The following DMBT1 variants were observed in gnomAD, a reference collection of about 807,000 sequenced individuals.
The protein encoded by DMBT1 is deleted in malignant brain tumors 1.
A neutral mutation model predicts 252.9 loss-of-function variants in DMBT1; 198 were observed. The ratio of observed to expected loss-of-function variants is 0.78; its 90% confidence interval spans 0.70 to 0.88. The LOEUF (loss-of-function observed/expected upper bound fraction) is 0.88. DMBT1 is among the 40% of genes least tolerant of loss of function. The pLI, the probability that DMBT1 is intolerant of heterozygous loss-of-function variation, is 0.00. For missense variants in DMBT1, 2,432 were observed against 2,404.7 expected (o/e 1.01, Z -0.24); for synonymous variants, 990 against 942.7 (o/e 1.05, Z -0.92).
At position 122,617,227 on chromosome 10, in the gene DMBT1, G is replaced by T. The variant is rs764862385; in HGVS notation, c.4859-1G>T. 6.2e-7 allele frequency: 1 copy of T among 1,609,576 alleles called. No individual in the cohort carries two copies. The highest frequency in any genetic ancestry group is 8.5e-7 in the Non-Finnish European group (1 of 1,178,772). On this transcript the variant is annotated splice_acceptor_variant, in intron 39 of 55. Coordinates refer to ENST00000338354, the MANE Select transcript of DMBT1 (RefSeq NM_001377530.1). LOFTEE classifies it high-confidence loss of function. ...TCTTTTTTCTTTGTTGCTATTTACA[G>T]ACACTTGGCCAACCTCTCGTGCATC...
In DMBT1 at chr10:122,573,772, A is replaced by G. The variant is rs756066037; in HGVS notation, c.283+10A>G. 1.1e-5 allele frequency: 18 copies of G among 1,613,358 alleles called. No individual in the cohort carries two copies. The highest frequency in any genetic ancestry group is 1.7e-5 in the Admixed American group (1 of 60,020). ...TCAACTGTAGCAGAAGGTAACGTCT[A>G]CTATGGGGGATCCCTGTAGGCTCAT... On this transcript the variant is annotated intron_variant, in intron 6 of 55. Transcript: ENST00000338354.
chr10:122,635,098 G>A (rs1212632835), intron 52 of DMBT1, among the ~76,000 whole-genome samples: 2 of 152,182 alleles, frequency 1.3e-5, no homozygotes, highest in African/African-American at 4.8e-5. Context: ...ACCATGACTG[G>A]TTCTTTAACC....
At chr10:122,619,429 C>A in intron 42 of DMBT1, 92 bp downstream of exon 42, 4 of 1,533,096 alleles carry the variant, frequency 2.6e-6, no homozygotes, top group Non-Finnish European at 3.6e-6. Context: ...CTTTTCTGTG[C>A]GGATACTGTG....
chr10:122,643,297 A>G lies in DMBT1; in HGVS notation c.7528A>G (p.Arg2510Gly). Residue 2510 changes from arginine to glycine, a missense_variant, in exon 56 of 56, where the codon AGG (arginine) becomes GGG (glycine). Arg to Gly is a moderately radical substitution (Grantham distance 125, BLOSUM62 -2). This residue lies in a region of DMBT1 where 1,162 missense variants were observed against 1,169.0 expected (regional missense o/e 0.99). Coordinates refer to ENST00000338354, the MANE Select transcript of DMBT1 (RefSeq NM_001377530.1). ...CCGCTGCTACCGAGGCTGTGTGTTG[A>G]GGTCGAAGAGGGATGTGGGCTCCTA... ...SSRCYRGCVL[R>G]SKRDVGSYQE... The G allele has an allele frequency of 6.2e-7, 1 of 1,613,822 alleles. No homozygotes were observed. The highest frequency in any genetic ancestry group is 2.2e-5 in the East Asian group (1 of 44,856).
chr10:122,639,521 TG>T (rs1056768957), intron 54 of DMBT1, among the ~76,000 whole-genome samples: 14 of 151,692 alleles, frequency 9.2e-5, no homozygotes, highest in Non-Finnish European at 2.1e-4. Flanking sequence ...AGGTGCTCAG[TG>T]GGGGAGCTTC....
chr10:122,576,260 T>C (rs892177787), intron 6 of DMBT1, 139 bp from the exon 7 acceptor site: 55 of 1,278,064 alleles, frequency 4.3e-5, no homozygotes, highest in Non-Finnish European at 6.4e-6. Flanking sequence ...ACTCTAACCT[T>C]AAGGCCTGTT....
At chr10:122,579,107 C>G (rs1236641339) in intron 9 of DMBT1, among the ~76,000 whole-genome samples, 5 of 152,052 alleles carry the variant, frequency 3.3e-5, no homozygotes, top group African/African-American at 1.2e-4. Context: ...GGTGACCTGT[C>G]TCCTGTGGGA....
intron 52 of DMBT1, among the ~76,000 whole-genome samples, chr10:122,634,271 GT>G (rs1439684049): frequency 6.6e-6 from 1 of 152,014 alleles, no homozygotes; most frequent in Non-Finnish European, 1.5e-5. Context: ...AGAGGGTAGG[GT>G]ATCTGCTCTG....
Position 122,585,311 on chromosome 10 carries a change from T to C in DMBT1, c.1459+2T>C, listed in dbSNP as rs747795461. On this transcript the variant is annotated splice_donor_variant, in intron 15 of 55. Transcript: ENST00000338354. LOFTEE classifies it high-confidence loss of function. The stretch of plus-strand genomic sequence containing the variant: ...TCACCTTACCTGCATCGACAGTAGG[T>C]AAATAATCCTCTCGCCCCTCCCTAG... 1.9e-6 allele frequency: 3 copies of C among 1,585,914 alleles called. No homozygotes were observed. The highest frequency in any genetic ancestry group is 2.7e-5 in the African/African-American group (2 of 74,406).
At chr10:122,626,590 G>A (rs1333166086) in intron 46 of DMBT1, among the ~76,000 whole-genome samples, 2 of 152,178 alleles carry the variant, frequency 1.3e-5, no homozygotes, top group Admixed American at 6.5e-5. Flanking sequence ...TGTACTTCAT[G>A]CATATTAACT....
chr10:122,576,630 C>G lies in DMBT1; in HGVS notation c.515C>G (p.Ser172Ter). Residue 172 changes from serine (S) to a stop codon, truncating the protein, a stop_gained, in exon 7 of 56, where the codon TCA (serine) becomes TGA (stop). Transcript: ENST00000338354. LOFTEE classifies it high-confidence loss of function. ...ATTGCCCTGGATGATGTGCGCTGCT[C>G]AGGACACGAATCCTACCTGTGGAGC... ...GPIALDDVRC[S>*]GHESYLWSCP... The G allele has an allele frequency of 6.2e-7, 1 of 1,613,822 alleles. No individual in the cohort carries two copies. Among genetic ancestry groups the G allele is most frequent in the Non-Finnish European group, 8.5e-7 (1 of 1,179,752 alleles).
intron 50 of DMBT1, 79 bp downstream of exon 50, chr10:122,631,954 G>A (rs2098168714): frequency 4.0e-6 from 6 of 1,493,158 alleles, no homozygotes; most frequent in Non-Finnish European, 5.6e-6. Flanking sequence ...TGCAGGGCAT[G>A]TTGCTCACTC....
Position 122,630,444 on chromosome 10 carries a change from T to C in DMBT1, c.5979T>C (p.Ser1993=). Residue 1993 remains serine, a synonymous_variant, in exon 48 of 56, where the codon AGT becomes AGC. Transcript: ENST00000338354. Reference sequence around the variant, plus strand: ...CCATTCACTTTCGAAGTGACATCAGTTTCCAAAACACTGGCTTTTTGGCTT... The same window carrying C: ...CCATTCACTTTCGAAGTGACATCAGCTTCCAAAACACTGGCTTTTTGGCTT... ...RMTIHFRSDI[S]FQNTGFLAWY... The C allele has an allele frequency of 6.2e-7, 1 of 1,614,034 alleles. No individual in the cohort carries two copies.
At chr10:122,574,984 G>A (rs1023609047) in intron 6 of DMBT1, among the ~76,000 whole-genome samples, 9 of 152,188 alleles carry the variant, frequency 5.9e-5, no homozygotes, top group Non-Finnish European at 1.3e-4. Flanking sequence ...TGGGTTAAGG[G>A]TAACTCTCAG....
At position 122,631,756 on chromosome 10, in the gene DMBT1, G is replaced by C. The variant is rs534447921; in HGVS notation, c.6347-99G>C. On this transcript the variant is annotated intron_variant, in intron 49 of 55. Transcript: ENST00000338354. ...GACCTGGGGACCCTCGCCGAGGGGG[G>C]TCAGGTTATGGGCCATGTAAGTGTA... The C allele has an allele frequency of 2.2e-5, 30 of 1,378,874 alleles. No individual in the cohort carries two copies. In the African/African-American group the frequency reaches 3.4e-4, roughly 16 times the overall value. The allele number at this position is 1,378,874 out of a possible 1,614,324, so 85.4% of individuals were successfully genotyped here.
At chr10:122,598,491 G>A (rs889102724) in intron 25 of DMBT1, among the ~76,000 whole-genome samples, 35 of 152,156 alleles carry the variant, frequency 2.3e-4, no homozygotes, top group Non-Finnish European at 3.4e-4. Flanking sequence ...GTGTAGCTCT[G>A]TCCTGTGTGT....
intron 16 of DMBT1, among the ~76,000 whole-genome samples, chr10:122,588,619 A>T (rs1431017394): frequency 1.3e-5 from 2 of 148,904 alleles, no homozygotes; most frequent in Non-Finnish European, 3.0e-5. Flanking sequence ...ACTCTTGAAC[A>T]TGGGGACAGC....
At chr10:122,625,059 G>A (rs2098107294) in intron 44 of DMBT1, among the ~76,000 whole-genome samples, 1 of 152,196 alleles carries the variant, frequency 6.6e-6, no homozygotes, top group Non-Finnish European at 1.5e-5. Context: ...GGTTCCTATA[G>A]CAAACAAGGG....
intron 26 of DMBT1, among the ~76,000 whole-genome samples, 172 bp from the exon 27 acceptor site, chr10:122,599,892 G>A (rs149356569): frequency 6.0e-4 from 91 of 152,224 alleles, no homozygotes; most frequent in African/African-American, 1.8e-3. Flanking sequence ...GATCTGCCTC[G>A]ACCCCTTACA....
Sources: allele counts gnomAD v4.1 joint callset (sites outside exome capture counted in the v4.1 genomes callset), GRCh38; gene constraint gnomAD v4.1.1; regional missense constraint gnomAD v4.1.1; transcripts MANE v1.5; gene names NCBI Gene and HGNC (gene_info 2026-07-23, HGNC 2026-07-21).